Variants in PRSS12 observed in about 807,000 individuals in gnomAD.
PRSS12 encodes neurotrypsin.
PRSS12 carries 85 observed loss-of-function variants against 104.4 expected under a neutral mutation model. The observed-to-expected ratio is 0.81, with a 90% CI of 0.68 to 0.98. The LOEUF is 0.98. Ranked by LOEUF, PRSS12 falls within the 50% of genes least tolerant of loss-of-function variation. The pLI, the probability that PRSS12 is intolerant of heterozygous loss-of-function variation, is 0.00. For missense variants in PRSS12, 1,141 were observed against 1,139.2 expected (o/e 1.00, Z -0.02); for synonymous variants, 454 against 425.2 (o/e 1.07, Z -0.83).
chr4:118,334,344 T>G (rs1724009449), intron 3 of PRSS12, among the ~76,000 whole-genome samples: 1 of 152,112 alleles, frequency 6.6e-6, no homozygotes, highest in Non-Finnish European at 1.5e-5. Flanking sequence ...TTTTAAAATT[T>G]TTTACTTTAC....
chr4:118,323,536 A>G (rs1723687716), intron 4 of PRSS12, among the ~76,000 whole-genome samples: 1 of 151,818 alleles, frequency 6.6e-6, no homozygotes. Context: ...GAGGGAGGGA[A>G]GGAAGAAAGA....
At chr4:118,310,225 T>A (rs1743672869) in intron 7 of PRSS12, among the ~76,000 whole-genome samples, 1 of 152,214 alleles carries the variant, frequency 6.6e-6, no homozygotes, top group Admixed American at 6.5e-5. Flanking sequence ...ATTCTTTTAT[T>A]AAAGTTTTCA....
At chr4:118,296,967 A>G (rs1185643232) in intron 9 of PRSS12, among the ~76,000 whole-genome samples, 1 of 152,230 alleles carries the variant, frequency 6.6e-6, no homozygotes, top group African/African-American at 2.4e-5. Context: ...TGTTTAAAAC[A>G]AGCAAAATTT....
chr4:118,298,354 C>T (rs1251183361), intron 9 of PRSS12, among the ~76,000 whole-genome samples: 1 of 151,968 alleles, frequency 6.6e-6, no homozygotes, highest in Admixed American at 6.6e-5. Context: ...TTTAGAAATG[C>T]CTTTAATTCA....
intron 1 of PRSS12, among the ~76,000 whole-genome samples, chr4:118,339,011 A>C (rs1438933178): frequency 2.0e-5 from 3 of 152,124 alleles, no homozygotes; most frequent in Non-Finnish European, 4.4e-5. Flanking sequence ...CTAATATACC[A>C]CACCCAAAGA....
At chr4:118,352,132 T>C in intron 1 of PRSS12, 87 bp downstream of exon 1, 1 of 1,560,712 alleles carries the variant, frequency 6.4e-7, no homozygotes, top group Non-Finnish European at 8.6e-7. Context: ...ACCCCGTCAC[T>C]TTTTCCAAGA....
At position 118,294,922 on chromosome 4, in the gene PRSS12, G is replaced by A. The variant is rs771843623; in HGVS notation, c.2039+17C>T. On this transcript the variant is annotated intron_variant, in intron 11 of 12. Transcript: ENST00000296498. ...AATAGAAGCTACACTAGGTTGTTTG[G>A]GAAGGTGGACACATACCTCTTGAAA... 1.1e-5 allele frequency: 17 copies of A among 1,613,710 alleles called. No homozygotes were observed.
At chr4:118,331,455 G>A (rs1018670457) in intron 4 of PRSS12, among the ~76,000 whole-genome samples, 3 of 152,114 alleles carry the variant, frequency 2.0e-5, no homozygotes, top group Non-Finnish European at 4.4e-5. Context: ...TGGGAGTAAC[G>A]TAAAGACTAC....
chr4:118,295,971 C>A (rs1743244380), intron 9 of PRSS12, 115 bp from the exon 10 acceptor site: 4 of 926,020 alleles, frequency 4.3e-6, no homozygotes. Flanking sequence ...CTTTTCTCTG[C>A]AAATTAAAAT....
chr4:118,316,735 T>A (rs1405272409), intron 5 of PRSS12, among the ~76,000 whole-genome samples: 1 of 150,066 alleles, frequency 6.7e-6, no homozygotes, highest in Non-Finnish European at 1.5e-5. Flanking sequence ...GGCGGGAAAA[T>A]CGCTTCAGCC....
rs1178315417 is a variant in PRSS12 at position 118,318,509 on chromosome 4, C to T, written c.1019G>A (p.Gly340Asp). The T allele has an allele frequency of 6.2e-7, 1 of 1,614,098 alleles. No homozygotes were observed. The highest frequency in any genetic ancestry group is 2.2e-5 in the East Asian group (1 of 44,864). Reference protein sequence around the residue: ...WHQAYFGEGSGPVMLDEVRCT... With the variant: ...WHQAYFGEGSDPVMLDEVRCT... ...GCGTACTTCATCCAACATAACTGGG[C>T]CAGACCCTTCCCCAAAATATGCCTG... Residue 340 changes from glycine to aspartate, a missense_variant, in exon 5 of 13, where the codon GGC (glycine) becomes GAC (aspartate). Coordinates refer to ENST00000296498, the MANE Select transcript of PRSS12 (RefSeq NM_003619.4).
chr4:118,313,124 T>C lies in PRSS12; in HGVS notation c.1489+77A>G, dbSNP rs552400252. On this transcript the variant is annotated intron_variant, in intron 7 of 12. Coordinates refer to ENST00000296498, the MANE Select transcript of PRSS12 (RefSeq NM_003619.4). ...AAAAAAAGCCAAAGATGAGAAACAC[T>C]TCATATTCAAGGCCAGTGGTTAGAG... 3.9e-6 allele frequency: 6 copies of C among 1,546,714 alleles called. No individual in the cohort carries two copies. In the African/African-American group the frequency reaches 8.2e-5, roughly 21 times the overall value.
In PRSS12 at chr4:118,282,256, A is replaced by G. The variant is rs769819357; in HGVS notation, c.2321-13T>C. The G allele has an allele frequency of 1.5e-5, 25 of 1,614,092 alleles. No individual in the cohort carries two copies. Among genetic ancestry groups the G allele is most frequent in the Non-Finnish European group, 2.0e-5 (24 of 1,179,968 alleles). On this transcript the variant is annotated splice_polypyrimidine_tract_variant and intron_variant, in intron 12 of 12. Coordinates refer to ENST00000296498, the MANE Select transcript of PRSS12 (RefSeq NM_003619.4). ...GAATAGGCTCGTCCTACTCAGACCA[A>G]ACATCTGATTAGTGGCATTCCAGAT... is the stretch of plus-strand genomic sequence containing the variant.
At chr4:118,352,138 C>T (rs1417353261) in intron 1 of PRSS12, 81 bp downstream of exon 1, 2 of 1,571,196 alleles carry the variant, frequency 1.3e-6, no homozygotes, top group Admixed American at 3.7e-5. Context: ...TCACTTTTTC[C>T]AAGAGACCTG....
At chr4:118,299,454 GC>G (rs1743336721) in intron 8 of PRSS12, among the ~76,000 whole-genome samples, 1 of 152,034 alleles carries the variant, frequency 6.6e-6, no homozygotes, top group Non-Finnish European at 1.5e-5. Context: ...GCCAAGGCGG[GC>G]GGATCACCTG....
At chr4:118,335,235 G>A (rs552459835) in intron 3 of PRSS12, among the ~76,000 whole-genome samples, 14 of 151,598 alleles carry the variant, frequency 9.2e-5, no homozygotes, top group African/African-American at 2.9e-4. Flanking sequence ...ATTTATTTAA[G>A]CAAATTATAT....
rs1743055996 is a variant in PRSS12, at chr4:118,288,333, A to T, written c.2040-5222T>A. Among the ~76,000 whole-genome samples the T allele has an allele frequency of 2.6e-5, 4 of 152,226 alleles. No homozygotes were observed. In the South Asian group the frequency reaches 8.3e-4, roughly 32 times the overall value. On this transcript the variant is annotated intron_variant, in intron 11 of 12. Transcript: ENST00000296498. ...AGAAATAGTTTTAGCATGATTGGTG[A>T]TATGTGTATTACCAAAGGCTATGTT...
At chr4:118,319,122 T>A (rs972622424) in intron 4 of PRSS12, among the ~76,000 whole-genome samples, 2 of 152,176 alleles carry the variant, frequency 1.3e-5, no homozygotes, top group African/African-American at 4.8e-5. Context: ...TGGTGTGGCA[T>A]GACCATAGCT....
rs1200040272 is a variant in PRSS12 at position 118,310,562 on chromosome 4, A to AGCT, written c.1490-1986_1490-1985insAGC. Among the ~76,000 whole-genome samples, 19 of 152,322 alleles carry AGCT rather than the reference A, an allele frequency of 1.2e-4. No individual in the cohort carries two copies. The South Asian group carries it at 3.9e-3, about 32-fold the overall frequency. ...GAAATAATAATACATAGCATGTTTT[A>AGCT]TTTCCAAAATCTTAAATATATAAAG... On this transcript the variant is annotated intron_variant, in intron 7 of 12. Transcript: ENST00000296498.
Sources: gnomAD v4.1 joint callset for allele counts (sites outside exome capture counted in the v4.1 genomes callset) on GRCh38, gnomAD v4.1.1 for gene constraint, MANE v1.5 for transcripts, NCBI Gene and HGNC (gene_info 2026-07-23, HGNC 2026-07-21) for gene names.